The following CAST variants were observed in gnomAD, a reference collection of about 807,000 sequenced individuals.
The protein encoded by CAST is calpastatin, also known as MIR583 host.
A neutral mutation model predicts 119.6 loss-of-function variants in CAST; 76 were observed. The observed-to-expected ratio is 0.64, with a 90% CI of 0.53 to 0.77. The LOEUF (loss-of-function observed/expected upper bound fraction) is 0.77. CAST is among the 30% of genes least tolerant of loss of function. CAST has a pLI of 0.00. For synonymous variants in CAST, 319 were observed against 331.6 expected (o/e 0.96, Z 0.41); for missense variants, 953 against 946.5 (o/e 1.01, Z -0.09).
the CAST span, among the ~76,000 whole-genome samples, chr5:96,455,724 G>A: frequency 6.6e-6 from 1 of 152,108 alleles, no homozygotes; most frequent in South Asian, 2.1e-4. Flanking sequence ...CTTAACCATT[G>A]CCTCCTCACA....
intron 1 of CAST, among the ~76,000 whole-genome samples, chr5:96,629,434 G>C (rs1747783414): frequency 6.6e-6 from 1 of 151,958 alleles, no homozygotes; most frequent in South Asian, 2.1e-4. Flanking sequence ...GGTGGGCCAA[G>C]ACTTTGCCAA....
chr5:96,166,660 A>G, the CAST span, among the ~76,000 whole-genome samples: 1 of 152,214 alleles, frequency 6.6e-6, no homozygotes, highest in Non-Finnish European at 1.5e-5. Context: ...TAATGAATAT[A>G]CAAATCTAGA....
chr5:96,257,627 T>C, the CAST span, among the ~76,000 whole-genome samples: 1 of 152,226 alleles, frequency 6.6e-6, no homozygotes, highest in East Asian at 1.9e-4. Context: ...AGCCTTCTCC[T>C]AAGAACCCCA....
the CAST span, among the ~76,000 whole-genome samples, chr5:96,171,611 A>G: frequency 6.6e-6 from 1 of 152,260 alleles, no homozygotes; most frequent in African/African-American, 2.4e-5. Flanking sequence ...CTGTCTTCCC[A>G]AGTCCGTGAC....
chr5:95,979,395 T>C, the CAST span, among the ~76,000 whole-genome samples: 1 of 152,160 alleles, frequency 6.6e-6, no homozygotes, highest in Non-Finnish European at 1.5e-5. Context: ...CAGTTACACA[T>C]GACATATGCT....
At chr5:96,336,728 T>G in the CAST span, among the ~76,000 whole-genome samples, 11 of 152,226 alleles carry the variant, frequency 7.2e-5, no homozygotes, top group African/African-American at 2.4e-4. Context: ...AGTCACACAT[T>G]TTTAATTTAC....
the CAST span, among the ~76,000 whole-genome samples, chr5:96,289,483 G>A: frequency 5.3e-5 from 8 of 152,072 alleles, no homozygotes; most frequent in Non-Finnish European, 1.0e-4. Context: ...CGTCTCATGA[G>A]GTTTGATGGT....
At chr5:96,363,397 T>C in the CAST span, among the ~76,000 whole-genome samples, 5 of 151,052 alleles carry the variant, frequency 3.3e-5, no homozygotes, top group African/African-American at 1.2e-4. Flanking sequence ...TTGATGGGGA[T>C]GGCATTGAAT....
chr5:96,045,541 G>A, the CAST span, among the ~76,000 whole-genome samples: 1 of 152,054 alleles, frequency 6.6e-6, no homozygotes, highest in Non-Finnish European at 1.5e-5. Flanking sequence ...AGTCACTGGT[G>A]ATACAAAGTA....
At chr5:96,479,056 A>T in the CAST span, among the ~76,000 whole-genome samples, 1 of 152,184 alleles carries the variant, frequency 6.6e-6, no homozygotes. Context: ...AGCACTGAGG[A>T]GGAGCCACAT....
the CAST span, among the ~76,000 whole-genome samples, chr5:96,204,593 C>T: frequency 5.3e-4 from 80 of 152,112 alleles, 1 homozygote; most frequent in African/African-American, 1.9e-3. Context: ...TAGATGACAT[C>T]CAGGACATCC....
the CAST span, among the ~76,000 whole-genome samples, chr5:96,270,183 T>C: frequency 6.6e-6 from 1 of 151,984 alleles, no homozygotes; most frequent in African/African-American, 2.4e-5. Context: ...ATTTGATAAA[T>C]TTCAACATCC....
At chr5:96,427,277 A>G in the CAST span, among the ~76,000 whole-genome samples, 4 of 152,260 alleles carry the variant, frequency 2.6e-5, no homozygotes, top group Admixed American at 2.6e-4. Flanking sequence ...ATCCAATTGT[A>G]GAAAACAGTG....
the CAST span, among the ~76,000 whole-genome samples, chr5:96,100,742 C>A: frequency 2.0e-5 from 3 of 152,206 alleles, no homozygotes; most frequent in Admixed American, 2.0e-4. Flanking sequence ...CAGGATCCCC[C>A]TTAGATACCA....
intron 3 of CAST, chr5:96,702,748 A>T (rs1441922623): frequency 1.0e-6 from 1 of 984,768 alleles, no homozygotes; most frequent in Non-Finnish European, 1.2e-6. Context: ...GCCGCCGGGC[A>T]GGGGGGCGGG....
intron 3 of CAST, among the ~76,000 whole-genome samples, chr5:96,707,073 C>T (rs1358638084): frequency 1.3e-5 from 2 of 152,206 alleles, no homozygotes; most frequent in Non-Finnish European, 2.9e-5. Context: ...GAATAACCTG[C>T]CCCTGAATTC....
the CAST span, among the ~76,000 whole-genome samples, chr5:96,198,951 T>A: frequency 6.6e-6 from 1 of 152,186 alleles, no homozygotes. Context: ...AATAGTAAGC[T>A]CTGAGCATCA....
intron 1 of CAST, among the ~76,000 whole-genome samples, chr5:96,608,879 T>A (rs1439477768): frequency 6.6e-6 from 1 of 152,014 alleles, no homozygotes; most frequent in Non-Finnish European, 1.5e-5. Context: ...CAAGCAGATC[T>A]CGTGAGAATT....
At chr5:96,105,844 A>G in the CAST span, among the ~76,000 whole-genome samples, 5 of 152,150 alleles carry the variant, frequency 3.3e-5, no homozygotes, top group African/African-American at 4.8e-5. Flanking sequence ...GGTAGAATTC[A>G]GCTGTGAATC....
Sources: gnomAD v4.1 joint callset for allele counts (sites outside exome capture counted in the v4.1 genomes callset) on GRCh38, gnomAD v4.1.1 for gene constraint, MANE v1.5 for transcripts, NCBI Gene and HGNC (gene_info 2026-07-23, HGNC 2026-07-21) for gene names.